GRIA4: variants seen among roughly 807,000 people sequenced by gnomAD.
The protein encoded by GRIA4 is glutamate ionotropic receptor AMPA type subunit 4.
Under a neutral mutation model 104.0 loss-of-function variants are expected in GRIA4, and 34 were observed. The ratio of observed to expected loss-of-function variants is 0.33; its 90% CI spans 0.25 to 0.44. The LOEUF is 0.44. GRIA4 is among the 20% of genes least tolerant of loss of function. The probability of loss-of-function intolerance (pLI) is 1.00; values close to 1 mark genes in which losing one functional copy is unlikely to be tolerated. For synonymous variants in GRIA4, 386 were observed against 381.9 expected (o/e 1.01, Z -0.13); for missense variants, 750 against 1,096.5 (o/e 0.68, Z 4.46).
In GRIA4 at chr11:105,765,815, A is replaced by G. The variant is rs934122206; in HGVS notation, c.487+12595A>G. Reference sequence around the variant, plus strand: ...CACAGTATAGCCTACAGTATTTTCTAGCTGGCTAGCCCCTAACTTGGAGGA... The same window carrying G: ...CACAGTATAGCCTACAGTATTTTCTGGCTGGCTAGCCCCTAACTTGGAGGA... On this transcript the variant is annotated intron_variant, in intron 4 of 16. Coordinates refer to ENST00000282499, the MANE Select transcript of GRIA4 (RefSeq NM_000829.4). Among the ~76,000 whole-genome samples the G allele has an allele frequency of 2.3e-4, 35 of 152,324 alleles. 2 individuals are homozygous for G. Among genetic ancestry groups the G allele is most frequent in the African/African-American group, 8.2e-4 (34 of 41,592 alleles).
chr11:105,963,882 GT>G (rs1242486797), intron 14 of GRIA4, among the ~76,000 whole-genome samples: 2 of 152,044 alleles, frequency 1.3e-5, no homozygotes, highest in African/African-American at 4.8e-5. Context: ...AATAAGTTTA[GT>G]TTTATCAGAG....
intron 14 of GRIA4, among the ~76,000 whole-genome samples, chr11:105,966,993 T>A (rs1858408074): frequency 6.6e-6 from 1 of 152,172 alleles, no homozygotes. Flanking sequence ...GAGCTCCAAC[T>A]GTCTGAAATT....
At chr11:105,688,747 A>T (rs973803192) in intron 3 of GRIA4, among the ~76,000 whole-genome samples, 38 of 152,154 alleles carry the variant, frequency 2.5e-4, no homozygotes, top group African/African-American at 9.2e-4. Flanking sequence ...CATTCCTTCA[A>T]CATAGCTGTC....
Position 105,959,091 on chromosome 11 carries a change from G to A in GRIA4, c.2295-12823G>A, listed in dbSNP as rs570867271. 6.1e-3 allele frequency among the ~76,000 whole-genome samples: 934 copies of A among 152,128 alleles called. 7 individuals are homozygous for A. Among genetic ancestry groups the A allele is most frequent in the African/African-American group, 0.021 (870 of 41,476 alleles). On this transcript the variant is annotated intron_variant, in intron 14 of 16. Coordinates refer to ENST00000282499, the MANE Select transcript of GRIA4 (RefSeq NM_000829.4). ...GAGAATCTGATGATTATGTGTCTTGGGGTTGATCTTCTCATGGGATATCTT... is the reference window on the plus strand; with the variant it reads ...GAGAATCTGATGATTATGTGTCTTGAGGTTGATCTTCTCATGGGATATCTT...
At position 105,761,725 on chromosome 11, in the gene GRIA4, G is replaced by T. The variant is rs113083532; in HGVS notation, c.487+8505G>T. On this transcript the variant is annotated intron_variant, in intron 4 of 16. Transcript: ENST00000282499. ...TGTCAAAAAATGCTAATCTTCTTTT[G>T]TCCCACTCTGCTGCCCCAAACATTA... Among the ~76,000 whole-genome samples, 1,510 of 152,198 alleles carry T rather than the reference G, an allele frequency of 9.9e-3. 32 individuals carry two copies. Among genetic ancestry groups the T allele is most frequent in the African/African-American group, 0.035 (1,448 of 41,510 alleles).
rs116669465 is a variant in GRIA4 at position 105,717,522 on chromosome 11, T to C, written c.248-35459T>C. 2.7e-3 allele frequency among the ~76,000 whole-genome samples: 414 copies of C among 152,180 alleles called. 3 individuals carry two copies. The highest frequency in any genetic ancestry group is 9.4e-3 in the African/African-American group (390 of 41,556). On this transcript the variant is annotated intron_variant, in intron 3 of 16. Transcript: ENST00000282499. ...ATGTTTCTGAATTTCTAAAAAGACATTCTTACAAGTTTTTTTTTTCTTGGA... is the reference window on the plus strand; with the variant it reads ...ATGTTTCTGAATTTCTAAAAAGACACTCTTACAAGTTTTTTTTTTCTTGGA...
chr11:105,713,272 A>C (rs1207113840), intron 3 of GRIA4, among the ~76,000 whole-genome samples: 1 of 151,964 alleles, frequency 6.6e-6, no homozygotes, highest in South Asian at 2.1e-4. Context: ...AATCCCAGCT[A>C]CGTAGGACGC....
chr11:105,976,161 A>G (rs1045703089), intron 16 of GRIA4, among the ~76,000 whole-genome samples: 4 of 152,212 alleles, frequency 2.6e-5, no homozygotes, highest in Middle Eastern at 3.4e-3. Flanking sequence ...GATGAATTTT[A>G]TAAGATGTCC....
At chr11:105,628,098 A>AAC (rs138811587) in intron 3 of GRIA4, among the ~76,000 whole-genome samples, 2,408 of 149,988 alleles carry the variant, frequency 0.016, 60 homozygotes, top group African/African-American at 0.053. Flanking sequence ...CACACACACA[A>AAC]ACACACACAC....
intron 7 of GRIA4, among the ~76,000 whole-genome samples, chr11:105,900,560 T>A (rs1222510378): frequency 6.6e-6 from 1 of 152,154 alleles, no homozygotes; most frequent in East Asian, 1.9e-4. Context: ...CTCTATGAAA[T>A]CTTTTCTTTT....
chr11:105,748,750 G>A (rs1035118574), intron 3 of GRIA4, among the ~76,000 whole-genome samples: 11 of 152,162 alleles, frequency 7.2e-5, no homozygotes, highest in African/African-American at 2.4e-4. Context: ...GTTCAAGTGA[G>A]AGGAAAGACT....
chr11:105,852,398 G>A (rs181188757), intron 4 of GRIA4, among the ~76,000 whole-genome samples: 2 of 152,240 alleles, frequency 1.3e-5, no homozygotes, highest in East Asian at 3.9e-4. Context: ...AGATTATCAT[G>A]ACTAATAAAA....
At chr11:105,854,694 T>C (rs1189175750) in intron 4 of GRIA4, among the ~76,000 whole-genome samples, 1 of 152,076 alleles carries the variant, frequency 6.6e-6, no homozygotes, top group Non-Finnish European at 1.5e-5. Context: ...TGACAGAATA[T>C]GCTAAAATAC....
chr11:105,934,414 TTTTA>T (rs1947972948), intron 14 of GRIA4, among the ~76,000 whole-genome samples: 1 of 152,168 alleles, frequency 6.6e-6, no homozygotes, highest in Non-Finnish European at 1.5e-5. Flanking sequence ...CATTTCAATA[TTTTA>T]TTTATTATGG....
intron 9 of GRIA4, among the ~76,000 whole-genome samples, chr11:105,906,681 T>C (rs1043435324): frequency 4.6e-5 from 7 of 152,152 alleles, no homozygotes; most frequent in Admixed American, 1.3e-4. Flanking sequence ...GGAGCCTACC[T>C]GATCCAGATC....
intron 6 of GRIA4, among the ~76,000 whole-genome samples, chr11:105,894,990 G>A (rs1463165307): frequency 8.4e-6 from 1 of 118,612 alleles, no homozygotes; most frequent in Non-Finnish European, 1.8e-5. Flanking sequence ...TAGTAGAGAC[G>A]GGGTTTCACC....
intron 4 of GRIA4, among the ~76,000 whole-genome samples, chr11:105,755,315 C>T (rs939088716): frequency 2.6e-5 from 4 of 152,056 alleles, no homozygotes; most frequent in African/African-American, 9.7e-5. Flanking sequence ...CATGAAACAC[C>T]TTTAAATGAC....
At chr11:105,780,201 G>A (rs980592083) in intron 4 of GRIA4, among the ~76,000 whole-genome samples, 1 of 152,048 alleles carries the variant, frequency 6.6e-6, no homozygotes, top group African/African-American at 2.4e-5. Flanking sequence ...GAAAAAAGGG[G>A]CCAAATTTAT....
At chr11:105,798,101 TAC>T (rs909085323) in intron 4 of GRIA4, among the ~76,000 whole-genome samples, 3 of 151,316 alleles carry the variant, frequency 2.0e-5, no homozygotes, top group Non-Finnish European at 4.4e-5. Flanking sequence ...CACACACACA[TAC>T]ACACACACAC....
Sources: gnomAD v4.1 joint callset for allele counts (sites outside exome capture counted in the v4.1 genomes callset) on GRCh38, gnomAD v4.1.1 for gene constraint, MANE v1.5 for transcripts, NCBI Gene and HGNC (gene_info 2026-07-23, HGNC 2026-07-21) for gene names.